FAM83B: variants seen among roughly 807,000 people sequenced by gnomAD.
FAM83B encodes the protein scaffolding CK1 anchoring protein B, also known as protein FAM83B.
FAM83B carries 26 observed loss-of-function variants against 38.8 expected under a neutral mutation model. The ratio of observed to expected loss-of-function variants is 0.67; its 90% CI spans 0.49 to 0.93. FAM83B has a LOEUF of 0.93. Among genes scored for constraint, FAM83B ranks in the 40% least tolerant of loss-of-function variants. The pLI is 0.00. For synonymous variants in FAM83B, 419 were observed against 423.1 expected, an observed-to-expected ratio of 0.99 and a Z score of 0.12; for missense variants, 1,237 against 1,197.3, an observed-to-expected ratio of 1.03 and a Z score of -0.49.
At chr6:54,915,975 C>G (rs924880252) in intron 2 of FAM83B, among the ~76,000 whole-genome samples, 33 of 152,158 alleles carry the variant, frequency 2.2e-4, no homozygotes, top group Non-Finnish European at 4.4e-4. Flanking sequence ...GTTAGCCTAG[C>G]ATTCAACGAC....
chr6:54,874,287 T>A (rs191146103), intron 2 of FAM83B, among the ~76,000 whole-genome samples: 4 of 152,292 alleles, frequency 2.6e-5, no homozygotes, highest in Admixed American at 2.6e-4. Flanking sequence ...TTCTTTCTTT[T>A]GTATGTTTGC....
chr6:54,928,080 G>GTCCA (rs1561928246), intron 4 of FAM83B, among the ~76,000 whole-genome samples: 1 of 152,186 alleles, frequency 6.6e-6, no homozygotes, highest in African/African-American at 2.4e-5. Flanking sequence ...TGGCAACCCA[G>GTCCA]TCCAGGTGAG....
At chr6:54,876,626 A>G (rs901481441) in intron 2 of FAM83B, among the ~76,000 whole-genome samples, 5 of 152,098 alleles carry the variant, frequency 3.3e-5, no homozygotes, top group African/African-American at 7.2e-5. Flanking sequence ...GCTGGAGTGC[A>G]TATAATTTAT....
At chr6:54,894,786 C>T (rs967806131) in intron 2 of FAM83B, among the ~76,000 whole-genome samples, 2 of 152,058 alleles carry the variant, frequency 1.3e-5, no homozygotes, top group Non-Finnish European at 2.9e-5. Context: ...AACTTAGAAG[C>T]AGGGACAAAT....
chr6:54,911,161 G>GTGTGTGTGTGTA (rs1191687498), intron 2 of FAM83B, among the ~76,000 whole-genome samples: 1 of 151,486 alleles, frequency 6.6e-6, no homozygotes, highest in African/African-American at 2.4e-5. Context: ...GTGTGTGTGT[G>GTGTGTGTGTGTA]TGTGTATGTG....
chr6:54,885,052 G>A lies in FAM83B; in HGVS notation c.444+14362G>A, dbSNP rs183963584. Reference sequence around the variant, plus strand: ...CTCCCAAAGTGCTGGGATTACAGGCGTGAGCCACTGCGCCCGGCCCAGTAA... The same window carrying A: ...CTCCCAAAGTGCTGGGATTACAGGCATGAGCCACTGCGCCCGGCCCAGTAA... On this transcript the variant is annotated intron_variant, in intron 2 of 4. Transcript: ENST00000306858. Among the ~76,000 whole-genome samples, 457 of 152,210 alleles carry A rather than the reference G, an allele frequency of 3.0e-3. 2 individuals are homozygous for A. The highest frequency in any genetic ancestry group is 0.01 in the African/African-American group (429 of 41,528).
At chr6:54,846,295 C>A (rs111964264), upstream of FAM83B, among the ~76,000 whole-genome samples, 158 of 152,316 alleles carry the variant, frequency 1.0e-3, no homozygotes, top group African/African-American at 3.7e-3. Context: ...GTGCTACAAC[C>A]CTTGCTCTCA....
At chr6:54,896,328 G>T (rs2127581338) in intron 2 of FAM83B, among the ~76,000 whole-genome samples, 1 of 152,266 alleles carries the variant, frequency 6.6e-6, no homozygotes, top group Middle Eastern at 3.4e-3. Context: ...CATCTCGAAT[G>T]ATGCAAAAAA....
intron 2 of FAM83B, among the ~76,000 whole-genome samples, chr6:54,912,737 C>T (rs1189378826): frequency 1.3e-5 from 2 of 151,922 alleles, no homozygotes; most frequent in Non-Finnish European, 2.9e-5. Flanking sequence ...ACATCTTTAG[C>T]TTTGAGAACA....
At chr6:54,884,161 G>T (rs1321910261) in intron 2 of FAM83B, among the ~76,000 whole-genome samples, 6 of 151,904 alleles carry the variant, frequency 3.9e-5, no homozygotes, top group Non-Finnish European at 7.4e-5. Context: ...AATTAGTTGG[G>T]CATGGTGGTG....
Position 54,940,597 on chromosome 6 carries a change from C to G in FAM83B, c.1626C>G (p.Ser542=), listed in dbSNP as rs761186815. 6.2e-7 allele frequency: 1 copy of G among 1,614,036 alleles called. No homozygotes were observed. The highest frequency in any genetic ancestry group is 1.3e-5 in the African/African-American group (1 of 75,026). ...TTTATACTCATTCTCGGCTTCGTTC[C>G]TCTTTAGTATTTAAACCCACTTTAC... ...NALYTHSRLR[S]SLVFKPTLPE... Residue 542 remains serine, a synonymous_variant, in exon 5 of 5, where the codon TCC becomes TCG. Coordinates refer to ENST00000306858, the MANE Select transcript of FAM83B (RefSeq NM_001010872.3).
intron 2 of FAM83B, among the ~76,000 whole-genome samples, chr6:54,917,832 GT>G (rs1773080662): frequency 1.3e-5 from 2 of 152,070 alleles, no homozygotes; most frequent in African/African-American, 4.8e-5. Flanking sequence ...AAATTCTTCT[GT>G]TTTAGCAAGT....
At chr6:54,919,893 A>G (rs546429697) in intron 2 of FAM83B, among the ~76,000 whole-genome samples, 3 of 151,984 alleles carry the variant, frequency 2.0e-5, no homozygotes, top group Non-Finnish European at 4.4e-5. Flanking sequence ...TTTGTTTATT[A>G]TATTTAGAGG....
chr6:54,906,350 T>G (rs1167859555), intron 2 of FAM83B, among the ~76,000 whole-genome samples: 2 of 152,138 alleles, frequency 1.3e-5, no homozygotes, highest in African/African-American at 4.8e-5. Context: ...TTATCTAAAT[T>G]TAAACCAATA....
intron 2 of FAM83B, among the ~76,000 whole-genome samples, chr6:54,874,131 G>T (rs1439716408): frequency 1.3e-5 from 2 of 152,010 alleles, no homozygotes; most frequent in African/African-American, 4.8e-5. Context: ...ATAGTTAAAT[G>T]AGCTCTTGAT....
In FAM83B at chr6:54,940,042, A is replaced by G; in HGVS notation, c.1071A>G (p.Gly357=). The change falls in exon 5 of 5, where the codon GGA becomes GGG. Residue 357 remains glycine (G), a synonymous_variant. Transcript: ENST00000306858. ...ACAAATATAACATAAGAAGTCACGG[A>G]TACAAACCTCATTTTGTTCCTAACT... The part of the protein sequence containing the change: ...EHDKYNIRSH[G]YKPHFVPNFN... 6.2e-7 allele frequency: 1 copy of G among 1,614,050 alleles called. No homozygotes were observed. Among genetic ancestry groups the G allele is most frequent in the Non-Finnish European group, 8.5e-7 (1 of 1,179,988 alleles).
At position 54,870,339 on chromosome 6, in the gene FAM83B, C is replaced by T. The variant is rs747262889; in HGVS notation, c.93C>T (p.Ala31=). 1 of 1,613,790 alleles carries T rather than the reference C, an allele frequency of 6.2e-7. No homozygotes were observed. ...EPHYKEWYRV[A]IDILIEHGLE... ...ACTACAAGGAATGGTATCGAGTAGC[C>T]ATTGATATTCTGATTGAACACGGGT... Residue 31 remains alanine (A), a synonymous_variant, in exon 2 of 5, where the codon GCC becomes GCT. Coordinates refer to ENST00000306858, the MANE Select transcript of FAM83B (RefSeq NM_001010872.3).
intron 2 of FAM83B, among the ~76,000 whole-genome samples, chr6:54,911,641 A>C (rs988180140): frequency 1.3e-5 from 2 of 152,080 alleles, no homozygotes; most frequent in African/African-American, 4.8e-5. Flanking sequence ...TTTTTACTGA[A>C]CTGCTTCACA....
chr6:54,923,495 C>T (rs762604840), intron 2 of FAM83B, among the ~76,000 whole-genome samples: 30 of 152,070 alleles, frequency 2.0e-4, no homozygotes, highest in Non-Finnish European at 4.1e-4. Context: ...CACCAAACAG[C>T]GTTGAAGAAT....
Sources: allele counts gnomAD v4.1 joint callset (sites outside exome capture counted in the v4.1 genomes callset), GRCh38; gene constraint gnomAD v4.1.1; transcripts MANE v1.5; gene names NCBI Gene and HGNC (gene_info 2026-07-23, HGNC 2026-07-21).